The following SEH1L variants were observed in gnomAD, a reference collection of about 807,000 sequenced individuals.
SEH1L encodes SEH1 like nucleoporin, also known as nucleoporin SEH1.
A neutral mutation model predicts 49.5 loss-of-function variants in SEH1L; 18 were observed. The ratio of observed to expected loss-of-function variants is 0.36; its 90% confidence interval spans 0.25 to 0.54. The LOEUF (loss-of-function observed/expected upper bound fraction) is 0.54, where lower values mean the gene tolerates loss of function less well. Ranked by LOEUF, SEH1L falls within the 20% of genes least tolerant of loss-of-function variation. The pLI is 0.87. For missense variants in SEH1L, 404 were observed against 528.8 expected, an observed-to-expected ratio of 0.76 and a Z score of 2.31; for synonymous variants, 169 against 178.1, an observed-to-expected ratio of 0.95 and a Z score of 0.41.
intron 5 of SEH1L, chr18:12,973,900 T>C (rs1466454993): frequency 6.6e-6 from 1 of 152,120 alleles, no homozygotes; most frequent in African/African-American, 2.4e-5. Context: ...CAATGTCAGG[T>C]TTTACATGCT....
intron 8 of SEH1L, chr18:12,985,574 C>A: frequency 9.2e-7 from 1 of 1,091,946 alleles, no homozygotes; most frequent in East Asian, 6.0e-5. Flanking sequence ...TGTTACCATT[C>A]TTATCTGAGT....
In SEH1L at chr18:12,948,240, C is replaced by T; in HGVS notation, c.111+8C>T. The T allele has an allele frequency of 1.2e-6, 2 of 1,601,774 alleles. No homozygotes were observed. Among genetic ancestry groups the T allele is most frequent in the Admixed American group, 1.7e-5 (1 of 59,462 alleles). ...AGCGATCAGAGCGTTAAGGTGCGCG[C>T]GGCGCTTGCGGGCGGGGCCGACCCC... On this transcript the variant is annotated splice_region_variant and intron_variant, in intron 1 of 8. Transcript: ENST00000399892.
intron 4 of SEH1L, among the ~76,000 whole-genome samples, chr18:12,967,874 A>T (rs616083): frequency 6.6e-6 from 1 of 152,036 alleles, no homozygotes. Context: ...AGATGATGCC[A>T]CTGCACTCCA....
chr18:12,950,525 G>C (rs1283286725), intron 1 of SEH1L, among the ~76,000 whole-genome samples: 3 of 152,038 alleles, frequency 2.0e-5, no homozygotes, highest in African/African-American at 7.3e-5. Flanking sequence ...AGTTGTCATG[G>C]TAGAGTGTGT....
intron 1 of SEH1L, 63 bp from the exon 2 acceptor site, chr18:12,951,792 A>T: frequency 4.1e-6 from 4 of 971,500 alleles, no homozygotes; most frequent in Non-Finnish European, 6.5e-6. Flanking sequence ...ATTCAGTCTT[A>T]TAGTTTTTGT....
At chr18:12,965,289 G>A (rs1343712808) in intron 4 of SEH1L, among the ~76,000 whole-genome samples, 1 of 152,168 alleles carries the variant, frequency 6.6e-6, no homozygotes, top group Non-Finnish European at 1.5e-5. Flanking sequence ...TGGGATTACA[G>A]GCATGAGCCA....
rs775694610 is a variant in SEH1L at position 12,971,210 on chromosome 18, A to G, written c.579A>G (p.Ala193=). The change falls in exon 5 of 9, where the codon GCA becomes GCG. Residue 193 remains alanine (A), a synonymous_variant. Transcript: ENST00000399892. ...AVGSDDSSPN[A]MAKVQIFEYN... ...GAAGTGATGACAGTAGCCCCAACGC[A>G]ATGGCCAAGGTTCAGATTTTTGAAT... 2 of 1,613,998 alleles carry G rather than the reference A, an allele frequency of 1.2e-6. No homozygotes were observed. Among genetic ancestry groups the G allele is most frequent in the Admixed American group, 1.7e-5 (1 of 60,030 alleles).
At position 12,949,876 on chromosome 18, in the gene SEH1L, A is replaced by G. The variant is rs186500525; in HGVS notation, c.111+1644A>G. ...CATCCTAAACTGAAACTCTGTACCCAAGAGCACCCTGTTCCGCCACCCCAT... is the reference window on the plus strand; with the variant it reads ...CATCCTAAACTGAAACTCTGTACCCGAGAGCACCCTGTTCCGCCACCCCAT... On this transcript the variant is annotated intron_variant, in intron 1 of 8. Transcript: ENST00000399892. 2.0e-4 allele frequency among the ~76,000 whole-genome samples: 31 copies of G among 152,192 alleles called. No individual in the cohort carries two copies. The East Asian group carries it at 5.4e-3, about 27-fold the overall frequency.
At chr18:12,981,431 T>C (rs2014404) in intron 6 of SEH1L, among the ~76,000 whole-genome samples, 70,855 of 151,802 alleles carry the variant, frequency 0.47, 16,873 homozygotes, top group Middle Eastern at 0.55. Flanking sequence ...ACTGAGTGAA[T>C]GCAACTCCGT....
In SEH1L at chr18:12,982,543, C is replaced by A; in HGVS notation, c.787C>A (p.Pro263Thr). 1 of 1,610,900 alleles carries A rather than the reference C, an allele frequency of 6.2e-7. No individual in the cohort carries two copies. Among genetic ancestry groups the A allele is most frequent in the Non-Finnish European group, 8.5e-7 (1 of 1,178,960 alleles). Reference sequence around the variant, plus strand: ...GAAAGAACTGACTTCCTCTGGTGGGCCAACAAAGTTTGAAATCCATATAGT... The same window carrying A: ...GAAAGAACTGACTTCCTCTGGTGGGACAACAAAGTTTGAAATCCATATAGT... ...VRKELTSSGG[P>T]TKFEIHIVAQ... The change falls in exon 7 of 9, where the codon CCA becomes ACA. Residue 263 changes from proline (P) to threonine (T), a missense_variant. By Grantham distance (38) the Pro-to-Thr change is conservative. This residue lies in a region of SEH1L where 342 missense variants were observed against 430.8 expected (regional missense o/e 0.79). Transcript: ENST00000399892.
intron 6 of SEH1L, among the ~76,000 whole-genome samples, chr18:12,981,940 A>G (rs868089962): frequency 7.4e-6 from 1 of 135,138 alleles, no homozygotes; most frequent in Non-Finnish European, 1.5e-5. Context: ...GCTCACTGCA[A>G]CCTCCACCTC....
chr18:12,978,958 G>A lies in SEH1L; in HGVS notation c.761+66G>A, dbSNP rs1463217027. 1.4e-5 allele frequency: 21 copies of A among 1,458,072 alleles called. No homozygotes were observed. In the Admixed American group the frequency reaches 3.3e-4, roughly 23 times the overall value. 90.3% of individuals were successfully genotyped at this position (1,458,072 alleles called of 1,614,324 possible). ...CCTTCTGATTACCTTTGTTTGTGGA[G>A]GAGAGAGTAGAGGTAACTATGATTT... On this transcript the variant is annotated intron_variant, in intron 6 of 8. Transcript: ENST00000399892.
intron 2 of SEH1L, among the ~76,000 whole-genome samples, chr18:12,953,281 G>A (rs1568209625): frequency 6.6e-6 from 1 of 152,200 alleles, no homozygotes; most frequent in Non-Finnish European, 1.5e-5. Flanking sequence ...GGACATTTGA[G>A]TTGTTGTTTT....
intron 4 of SEH1L, 57 bp from the exon 5 acceptor site, chr18:12,971,096 G>A (rs80081342): frequency 0.021 from 25,740 of 1,224,058 alleles, 370 homozygotes; most frequent in Middle Eastern, 0.059. Flanking sequence ...TGTTCATTCT[G>A]TGAATGAAAT....
Position 12,948,098 on chromosome 18 carries a change from G to C in SEH1L, c.-24G>C, listed in dbSNP as rs760398202. 1 of 1,590,536 alleles carries C rather than the reference G, an allele frequency of 6.3e-7. No individual in the cohort carries two copies. ...CGCTGCCGCCGCCACTGTCCTCTTC[G>C]GAGGCGCGGGCCCGACGGAAACCAT... On this transcript the variant is annotated 5_prime_UTR_variant, in exon 1 of 9. Coordinates refer to ENST00000399892, the MANE Select transcript of SEH1L (RefSeq NM_001013437.2).
At chr18:12,955,826 T>G (rs933231374) in intron 3 of SEH1L, among the ~76,000 whole-genome samples, 7 of 152,296 alleles carry the variant, frequency 4.6e-5, no homozygotes, top group Admixed American at 4.6e-4. Context: ...TGTTTATAAC[T>G]TTTATGATGA....
At chr18:12,986,116 G>A (rs964742929) in intron 8 of SEH1L, 16 of 984,610 alleles carry the variant, frequency 1.6e-5, no homozygotes, top group Non-Finnish European at 1.8e-5. Context: ...TAAATTAATT[G>A]TCAGCATTCC....
chr18:12,965,557 T>C (rs1358948972), intron 4 of SEH1L, among the ~76,000 whole-genome samples: 1 of 152,234 alleles, frequency 6.6e-6, no homozygotes, highest in Non-Finnish European at 1.5e-5. Flanking sequence ...GCTTAATTGA[T>C]AGTTTGGCTA....
chr18:12,975,610 G>A (rs553951749), intron 5 of SEH1L: 40 of 634,956 alleles, frequency 6.3e-5, no homozygotes, highest in Admixed American at 1.3e-4. Context: ...AGACAGGGGA[G>A]GGGCAGGCCA....
Sources: allele counts gnomAD v4.1 joint callset (sites outside exome capture counted in the v4.1 genomes callset), GRCh38; gene constraint gnomAD v4.1.1; regional missense constraint gnomAD v4.1.1; transcripts MANE v1.5; gene names NCBI Gene and HGNC (gene_info 2026-07-23, HGNC 2026-07-21).